Variants in CUEDC1 observed in about 807,000 individuals in gnomAD.
The protein encoded by CUEDC1 is CUE domain-containing protein 1.
CUEDC1 carries 30 observed loss-of-function variants against 43.7 expected under a neutral mutation model. The observed-to-expected ratio is 0.69, with a 90% CI of 0.51 to 0.93. The LOEUF (loss-of-function observed/expected upper bound fraction) is 0.93, where lower values mean the gene tolerates loss of function less well. CUEDC1 is among the 40% of genes least tolerant of loss of function. The probability of loss-of-function intolerance (pLI) is 0.00; values close to 1 mark genes in which losing one functional copy is unlikely to be tolerated. For missense variants in CUEDC1, 486 were observed against 549.0 expected (o/e 0.89, Z 1.15); for synonymous variants, 223 against 223.6 (o/e 1.00, Z 0.02).
intron 1 of CUEDC1, among the ~76,000 whole-genome samples, chr17:57,894,507 C>A (rs2074389243): frequency 6.6e-6 from 1 of 152,074 alleles, no homozygotes; most frequent in Non-Finnish European, 1.5e-5. Context: ...CCTGTCTCTA[C>A]TGAAAATACA....
chr17:57,915,921 C>T (rs573607815), intron 1 of CUEDC1, among the ~76,000 whole-genome samples: 1 of 152,188 alleles, frequency 6.6e-6, no homozygotes, highest in Admixed American at 6.5e-5. Context: ...GCAACTCACC[C>T]GTTTGAATCA....
intron 1 of CUEDC1, among the ~76,000 whole-genome samples, chr17:57,937,609 C>CAA (rs202052148): frequency 5.0e-4 from 62 of 123,148 alleles, no homozygotes; most frequent in Admixed American, 8.2e-4. Flanking sequence ...GACCCTGTCT[C>CAA]AAAAAAAAAA....
At chr17:57,873,376 C>T (rs1020464782) in intron 4 of CUEDC1, among the ~76,000 whole-genome samples, 2 of 152,224 alleles carry the variant, frequency 1.3e-5, no homozygotes, top group African/African-American at 4.8e-5. Flanking sequence ...CCTCCTTAGG[C>T]TGTCACCTTC....
chr17:57,864,386 A>C (rs911333131), intron 10 of CUEDC1, among the ~76,000 whole-genome samples: 2 of 152,172 alleles, frequency 1.3e-5, no homozygotes, highest in Non-Finnish European at 2.9e-5. Context: ...GGCAGTGAGA[A>C]GACTTCGAAG....
At chr17:57,893,375 T>TGTGTGTGTGTGTGTGTGTGTGTGTGTG in intron 1 of CUEDC1, among the ~76,000 whole-genome samples, 4 of 106,348 alleles carry the variant, frequency 3.8e-5, no homozygotes, top group Admixed American at 1.8e-4. Context: ...GTGTGTGTGT[T>TGTGTGTGTGTGTGTGTGTGTGTGTGTG]TCAGGCAGCC....
chr17:57,939,198 C>T (rs2074892216), intron 1 of CUEDC1, among the ~76,000 whole-genome samples: 1 of 152,012 alleles, frequency 6.6e-6, no homozygotes, highest in African/African-American at 2.4e-5. Context: ...AACTCCTGAC[C>T]TCAAGTGATC....
intron 7 of CUEDC1, among the ~76,000 whole-genome samples, chr17:57,868,842 A>G (rs942653766): frequency 6.6e-6 from 1 of 152,226 alleles, no homozygotes; most frequent in African/African-American, 2.4e-5. Context: ...CTCGAGCCAC[A>G]GAGAACGTGA....
At chr17:57,882,683 C>A (rs1249708245) in intron 2 of CUEDC1, among the ~76,000 whole-genome samples, 5 of 152,192 alleles carry the variant, frequency 3.3e-5, no homozygotes, top group Admixed American at 3.3e-4. Context: ...TGTCCCTCCT[C>A]CTCAGCCTAC....
At chr17:57,883,557 C>A (rs2074245054) in intron 2 of CUEDC1, among the ~76,000 whole-genome samples, 1 of 152,100 alleles carries the variant, frequency 6.6e-6, no homozygotes, top group Admixed American at 6.6e-5. Flanking sequence ...AACCCCATCT[C>A]TACTAAAACT....
Position 57,873,581 on chromosome 17 carries a change from C to G in CUEDC1, c.591+10G>C, listed in dbSNP as rs1597972521. 1 of 1,541,848 alleles carries G rather than the reference C, an allele frequency of 6.5e-7. No individual in the cohort carries two copies. On this transcript the variant is annotated intron_variant, in intron 4 of 10. Coordinates refer to ENST00000577830, the MANE Select transcript of CUEDC1 (RefSeq NM_001271875.2). ...AGGTGGGAGTGGAAGGCGGGGGCGG[C>G]CCCTGTTACCTGTATGCTGTCCAGC...
chr17:57,929,579 C>A (rs1464908765), intron 1 of CUEDC1, among the ~76,000 whole-genome samples: 1 of 152,192 alleles, frequency 6.6e-6, no homozygotes. Flanking sequence ...AGGGTATAGA[C>A]CAGTCTGGAT....
chr17:57,880,995 C>T (rs1234962872), intron 2 of CUEDC1, among the ~76,000 whole-genome samples: 1 of 152,196 alleles, frequency 6.6e-6, no homozygotes, highest in East Asian at 1.9e-4. Context: ...TCAGGTGCCC[C>T]AGAGCCCCCA....
At chr17:57,876,195 G>A (rs1051161892) in intron 3 of CUEDC1, among the ~76,000 whole-genome samples, 16 of 152,036 alleles carry the variant, frequency 1.1e-4, no homozygotes, top group African/African-American at 3.9e-4. Context: ...ATGGCTCCCC[G>A]CTGTCTGCAA....
chr17:57,893,399 C>T (rs2074376820), intron 1 of CUEDC1, among the ~76,000 whole-genome samples: 1 of 132,898 alleles, frequency 7.5e-6, no homozygotes, highest in Admixed American at 7.3e-5. Flanking sequence ...ACAGAGACGC[C>T]TTGTCCTCCT....
At chr17:57,911,893 C>A (rs1029981589) in intron 1 of CUEDC1, among the ~76,000 whole-genome samples, 5 of 152,220 alleles carry the variant, frequency 3.3e-5, no homozygotes, top group African/African-American at 1.2e-4. Context: ...CCCAGGTGAA[C>A]TGAATCTGTT....
chr17:57,896,623 C>T (rs8073257), intron 1 of CUEDC1, among the ~76,000 whole-genome samples: 63,384 of 151,418 alleles, frequency 0.42, 14,938 homozygotes, highest in East Asian at 0.96. Flanking sequence ...TTTTCCACTA[C>T]AGATTCTTGT....
chr17:57,923,542 G>A (rs138457746), intron 1 of CUEDC1, among the ~76,000 whole-genome samples: 56 of 152,360 alleles, frequency 3.7e-4, no homozygotes, highest in African/African-American at 1.3e-3. Context: ...GATAAGCAGG[G>A]TATAGGACAG....
intron 9 of CUEDC1, 176 bp downstream of exon 9, chr17:57,867,181 G>C (rs369606873): frequency 2.5e-4 from 158 of 643,764 alleles, no homozygotes; most frequent in East Asian, 1.4e-3. Flanking sequence ...TTGCAGAAAG[G>C]GGGAAGCAAT....
chr17:57,899,799 CTA>C (rs997529083), intron 1 of CUEDC1, among the ~76,000 whole-genome samples: 15 of 152,142 alleles, frequency 9.9e-5, no homozygotes. Context: ...AACTCTGAAG[CTA>C]TGTTTTTAAA....
Sources: allele counts gnomAD v4.1 joint callset (sites outside exome capture counted in the v4.1 genomes callset), GRCh38; gene constraint gnomAD v4.1.1; transcripts MANE v1.5; gene names NCBI Gene and HGNC (gene_info 2026-07-23, HGNC 2026-07-21).